The following KLHL1 variants were observed in gnomAD, a reference collection of about 807,000 sequenced individuals.
KLHL1 encodes the protein kelch like family member 1.
Under a neutral mutation model 77.7 loss-of-function variants are expected in KLHL1, and 47 were observed. That is an observed-to-expected ratio of 0.60 (90% confidence interval 0.48 to 0.77). The LOEUF (loss-of-function observed/expected upper bound fraction) is 0.77. Ranked by LOEUF, KLHL1 falls within the 30% of genes least tolerant of loss-of-function variation. The probability of loss-of-function intolerance (pLI) is 0.00; values close to 1 mark genes in which losing one functional copy is unlikely to be tolerated. For missense variants in KLHL1, 925 were observed against 910.8 expected (o/e 1.02, Z -0.20); for synonymous variants, 360 against 325.2 (o/e 1.11, Z -1.15).
intron 7 of KLHL1, among the ~76,000 whole-genome samples, chr13:69,792,325 T>C (rs1411869496): frequency 2.6e-5 from 4 of 152,064 alleles, no homozygotes; most frequent in African/African-American, 9.7e-5. Context: ...TAATTAGAAA[T>C]GAGAAACTAG....
intron 1 of KLHL1, among the ~76,000 whole-genome samples, chr13:70,063,438 T>G (rs1454720878): frequency 6.6e-6 from 1 of 152,132 alleles, no homozygotes; most frequent in Admixed American, 6.5e-5. Context: ...GCTTCTGACT[T>G]GATCACTAGA....
chr13:69,726,858 GA>G (rs1230366315), intron 8 of KLHL1, among the ~76,000 whole-genome samples: 3 of 152,048 alleles, frequency 2.0e-5, no homozygotes, highest in Non-Finnish European at 4.4e-5. Context: ...TCTGAGGGCA[GA>G]ATTTATTTAT....
At chr13:69,985,775 C>CATAT (rs59958813) in intron 1 of KLHL1, among the ~76,000 whole-genome samples, 38 of 140,544 alleles carry the variant, frequency 2.7e-4, no homozygotes, top group Non-Finnish European at 4.9e-4. Flanking sequence ...AAATGTGATC[C>CATAT]ATATATATAT....
At chr13:69,756,904 C>T (rs919845555) in intron 7 of KLHL1, among the ~76,000 whole-genome samples, 1 of 152,100 alleles carries the variant, frequency 6.6e-6, no homozygotes, top group Non-Finnish European at 1.5e-5. Flanking sequence ...AAAAGTGTCA[C>T]TAAGGTTATC....
intron 4 of KLHL1, among the ~76,000 whole-genome samples, chr13:69,893,710 A>T (rs963736027): frequency 1.3e-5 from 2 of 152,234 alleles, no homozygotes; most frequent in African/African-American, 2.4e-5. Context: ...TGTACCTAAG[A>T]TGCAGGAAAA....
At chr13:69,853,109 T>C (rs991084562) in intron 5 of KLHL1, among the ~76,000 whole-genome samples, 5 of 151,874 alleles carry the variant, frequency 3.3e-5, no homozygotes, top group Admixed American at 2.6e-4. Context: ...TAGTTTTCAG[T>C]TGGTTGACTT....
intron 1 of KLHL1, among the ~76,000 whole-genome samples, chr13:70,029,804 C>T (rs187704794): frequency 3.3e-5 from 5 of 152,270 alleles, no homozygotes; most frequent in African/African-American, 1.2e-4. Flanking sequence ...AAGACACAGA[C>T]TGGCAAATTG....
intron 7 of KLHL1, among the ~76,000 whole-genome samples, chr13:69,748,931 G>C: frequency 6.6e-6 from 1 of 151,926 alleles, no homozygotes; most frequent in South Asian, 2.1e-4. Context: ...TGTTTAGCAA[G>C]TAACATGTTC....
intron 4 of KLHL1, among the ~76,000 whole-genome samples, chr13:69,920,607 A>G (rs1359726706): frequency 1.3e-5 from 2 of 152,140 alleles, no homozygotes; most frequent in African/African-American, 4.8e-5. Context: ...TTGTTTTCAC[A>G]TGTCCTTAGA....
chr13:69,710,517 T>C (rs1875825504), intron 9 of KLHL1, among the ~76,000 whole-genome samples: 1 of 152,016 alleles, frequency 6.6e-6, no homozygotes, highest in African/African-American at 2.4e-5. Context: ...CACACTCAGA[T>C]ATTTAGGAAG....
chr13:69,728,784 G>A (rs1250269402), intron 8 of KLHL1, among the ~76,000 whole-genome samples: 1 of 151,674 alleles, frequency 6.6e-6, no homozygotes. Context: ...CTCCAGCTTG[G>A]GTGACAGAGC....
chr13:70,027,965 T>C (rs1272758176), intron 1 of KLHL1, among the ~76,000 whole-genome samples: 1 of 152,118 alleles, frequency 6.6e-6, no homozygotes, highest in African/African-American at 2.4e-5. Flanking sequence ...CCAAACATAT[T>C]TAATGAATTT....
At chr13:70,046,246 G>T (rs1234540228) in intron 1 of KLHL1, among the ~76,000 whole-genome samples, 2 of 152,178 alleles carry the variant, frequency 1.3e-5, no homozygotes, top group African/African-American at 2.4e-5. Context: ...TAAAGAGGAA[G>T]ATGGGAAATA....
intron 5 of KLHL1, among the ~76,000 whole-genome samples, chr13:69,845,262 CTGCT>C (rs66490356): frequency 0.89 from 134,136 of 151,230 alleles, 60,668 homozygotes; most frequent in East Asian, 0.99. Flanking sequence ...ATAATAAAGT[CTGCT>C]TGCTTATTAC....
chr13:69,998,250 G>A (rs920861727), intron 1 of KLHL1, among the ~76,000 whole-genome samples: 8 of 152,050 alleles, frequency 5.3e-5, no homozygotes, highest in African/African-American at 1.9e-4. Context: ...TTGGCATTAG[G>A]AGGCAGAAGA....
In KLHL1 at chr13:69,784,882, A is replaced by ATTTTTTT. The variant is rs775109435; in HGVS notation, c.1639+11849_1639+11855dup. 1.0e-3 allele frequency among the ~76,000 whole-genome samples: 81 copies of ATTTTTTT among 79,496 alleles called. 6 individuals carry two copies. Among genetic ancestry groups the ATTTTTTT allele is most frequent in the South Asian group, 3.7e-3 (7 of 1,888 alleles). 52.2% of individuals were successfully genotyped at this position (79,496 alleles called of 152,430 possible). ...TCCACCCCAAATCAACAGAATATACATTTTTTTTTTTTTTTTTTTTTTTTT... is the reference window on the plus strand; with the variant it reads ...TCCACCCCAAATCAACAGAATATACATTTTTTTTTTTTTTTTTTTTTTTTTTTTTTTT... On this transcript the variant is annotated intron_variant, in intron 7 of 10. Transcript: ENST00000377844.
chr13:70,044,617 A>G (rs1225895156), intron 1 of KLHL1, among the ~76,000 whole-genome samples: 7 of 152,174 alleles, frequency 4.6e-5, no homozygotes, highest in Non-Finnish European at 7.4e-5. Context: ...AAGAACATCC[A>G]CATTCTCCAA....
At chr13:70,047,030 C>T (rs764826440) in intron 1 of KLHL1, among the ~76,000 whole-genome samples, 4 of 152,052 alleles carry the variant, frequency 2.6e-5, no homozygotes, top group Admixed American at 2.0e-4. Flanking sequence ...CAATACAATG[C>T]TTATCCTTGT....
At chr13:69,808,267 C>A (rs1218775844) in intron 6 of KLHL1, among the ~76,000 whole-genome samples, 1 of 152,020 alleles carries the variant, frequency 6.6e-6, no homozygotes, top group Non-Finnish European at 1.5e-5. Context: ...GGCAAACATA[C>A]CCTGAGGGAG....
Sources: allele counts gnomAD v4.1 joint callset (sites outside exome capture counted in the v4.1 genomes callset), GRCh38; gene constraint gnomAD v4.1.1; transcripts MANE v1.5; gene names NCBI Gene and HGNC (gene_info 2026-07-23, HGNC 2026-07-21).